Variants in LRRIQ3 observed in about 807,000 individuals in gnomAD.
LRRIQ3 encodes the protein leucine-rich repeat and IQ domain-containing protein 3.
Under a neutral mutation model 59.3 loss-of-function variants are expected in LRRIQ3, and 75 were observed. The ratio of observed to expected loss-of-function variants is 1.26; its 90% CI spans 1.05 to 1.53. LRRIQ3 has a LOEUF of 1.53. Among genes scored for constraint, LRRIQ3 ranks in the 40% most tolerant of loss-of-function variants. The probability of loss-of-function intolerance (pLI) is 0.00; values close to 1 mark genes in which losing one functional copy is unlikely to be tolerated. For missense variants in LRRIQ3, 831 were observed against 710.0 expected, an observed-to-expected ratio of 1.17 and a Z score of -1.94; for synonymous variants, 250 against 231.3, an observed-to-expected ratio of 1.08 and a Z score of -0.73.
intron 4 of LRRIQ3, among the ~76,000 whole-genome samples, chr1:74,146,587 AAAT>A (rs1444206641): frequency 3.3e-5 from 5 of 152,238 alleles, no homozygotes; most frequent in African/African-American, 9.6e-5. Context: ...TTTTATTAAG[AAAT>A]AATATTTCCC....
chr1:74,188,623 C>T (rs1353284286), intron 1 of LRRIQ3, among the ~76,000 whole-genome samples: 1 of 152,070 alleles, frequency 6.6e-6, no homozygotes, highest in Non-Finnish European at 1.5e-5. Flanking sequence ...TTTAATGGCC[C>T]TGTTTTCCAC....
intron 6 of LRRIQ3, among the ~76,000 whole-genome samples, chr1:74,073,286 G>A (rs1467586132): frequency 6.6e-6 from 1 of 152,044 alleles, no homozygotes; most frequent in African/African-American, 2.4e-5. Flanking sequence ...GCCGAGGCAG[G>A]CGATTGCCTG....
At chr1:74,048,907 T>A (rs12740120) in intron 6 of LRRIQ3, among the ~76,000 whole-genome samples, 3,075 of 152,224 alleles carry the variant, frequency 0.02, 58 homozygotes, top group Non-Finnish European at 0.028. Flanking sequence ...AAACTTCTAG[T>A]GGAGAAGATG....
intron 7 of LRRIQ3, among the ~76,000 whole-genome samples, chr1:74,031,168 TG>T (rs1383872805): frequency 6.6e-6 from 1 of 152,190 alleles, no homozygotes; most frequent in Non-Finnish European, 1.5e-5. Context: ...TTGGTGGGAC[TG>T]TAGACTAGTT....
rs540600294 is a variant in LRRIQ3 at position 74,068,489 on chromosome 1, G to T, written c.997+6172C>A. On this transcript the variant is annotated intron_variant, in intron 6 of 7. Coordinates refer to ENST00000354431, the MANE Select transcript of LRRIQ3 (RefSeq NM_001105659.2). ...TTTACATAACTGCATGGGAAGCTGG[G>T]CAATGCAGGGGAGCACATGGAATAT... 6.6e-5 allele frequency among the ~76,000 whole-genome samples: 10 copies of T among 152,172 alleles called. No homozygotes were observed. In the South Asian group the frequency reaches 2.1e-3, roughly 32 times the overall value.
At chr1:74,057,834 G>T (rs759248872) in intron 6 of LRRIQ3, among the ~76,000 whole-genome samples, 1 of 151,950 alleles carries the variant, frequency 6.6e-6, no homozygotes, top group Non-Finnish European at 1.5e-5. Flanking sequence ...GTGATAAGGG[G>T]TTAATATCAA....
At chr1:74,073,153 G>C (rs1655073414) in intron 6 of LRRIQ3, among the ~76,000 whole-genome samples, 1 of 152,044 alleles carries the variant, frequency 6.6e-6, no homozygotes, top group African/African-American at 2.4e-5. Flanking sequence ...CGCTGAATTT[G>C]CTTTTGTCAA....
chr1:74,122,445 T>G (rs1289674086), intron 4 of LRRIQ3, among the ~76,000 whole-genome samples: 2 of 152,092 alleles, frequency 1.3e-5, no homozygotes, highest in Non-Finnish European at 2.9e-5. Flanking sequence ...TCTTATAAAT[T>G]TGTTGGAGTT....
intron 4 of LRRIQ3, among the ~76,000 whole-genome samples, chr1:74,114,114 G>C (rs1368597332): frequency 3.3e-5 from 5 of 151,720 alleles, no homozygotes; most frequent in African/African-American, 1.2e-4. Context: ...AGGCAGGTGA[G>C]AGCAAGTTGG....
intron 4 of LRRIQ3, among the ~76,000 whole-genome samples, chr1:74,134,960 T>G (rs1213961776): frequency 9.2e-5 from 14 of 152,084 alleles, no homozygotes; most frequent in Admixed American, 5.3e-4. Flanking sequence ...TGTTTTCAGA[T>G]TAACTTAAAA....
chr1:74,118,934 G>A (rs1404711975), intron 4 of LRRIQ3, among the ~76,000 whole-genome samples: 1 of 151,950 alleles, frequency 6.6e-6, no homozygotes, highest in African/African-American at 2.4e-5. Context: ...ATTAGATGAG[G>A]CTCACCCACA....
At chr1:74,189,738 T>G (rs183379183) in intron 1 of LRRIQ3, among the ~76,000 whole-genome samples, 33 of 152,220 alleles carry the variant, frequency 2.2e-4, no homozygotes, top group Admixed American at 2.2e-3. Flanking sequence ...CCTTTTTCTT[T>G]GTTCTCATTC....
chr1:74,110,602 G>A (rs1570131575), intron 4 of LRRIQ3, among the ~76,000 whole-genome samples: 1 of 151,956 alleles, frequency 6.6e-6, no homozygotes, highest in East Asian at 1.9e-4. Context: ...ATCGTTTGAA[G>A]TAAAATGATA....
Position 74,179,765 on chromosome 1 carries a change from T to A in LRRIQ3, c.573+2773A>T, listed in dbSNP as rs555131661. On this transcript the variant is annotated intron_variant, in intron 3 of 7. Transcript: ENST00000354431. ...TGTTATTCAAACAGATTTCTTTAAA[T>A]CTTCACAACTCATAAAAATCATGTC... 2.0e-5 allele frequency: 3 copies of A among 152,092 alleles called. No individual in the cohort carries two copies. In the South Asian group the frequency reaches 6.2e-4, roughly 31 times the overall value. The allele number at this position is 152,092 out of a possible 1,614,324, so 9.4% of individuals were successfully genotyped here. A position where few individuals can be genotyped will look rare whatever the true frequency, so the allele number is the denominator to read the frequency against.
At chr1:74,046,138 C>T (rs1654196885) in intron 6 of LRRIQ3, among the ~76,000 whole-genome samples, 1 of 152,146 alleles carries the variant, frequency 6.6e-6, no homozygotes, top group African/African-American at 2.4e-5. Flanking sequence ...AAAAAAGAGC[C>T]TGCATAGCCA....
intron 6 of LRRIQ3, among the ~76,000 whole-genome samples, chr1:74,062,016 AG>A (rs887203864): frequency 6.6e-6 from 1 of 152,162 alleles, no homozygotes; most frequent in African/African-American, 2.4e-5. Context: ...CCTGGGAGAC[AG>A]AGTGAGAGTT....
At chr1:74,039,566 C>A (rs776546967) in intron 7 of LRRIQ3, among the ~76,000 whole-genome samples, 13 of 152,176 alleles carry the variant, frequency 8.5e-5, no homozygotes, top group Non-Finnish European at 1.8e-4. Flanking sequence ...AAGGGAAGCA[C>A]ATCAGACTAA....
chr1:74,183,734 T>G (rs1313985735), intron 1 of LRRIQ3, 50 bp from the exon 2 acceptor site: 4 of 1,393,728 alleles, frequency 2.9e-6, no homozygotes, highest in African/African-American at 1.5e-5. Flanking sequence ...TTTCAAAAAT[T>G]TACCTGAAAA....
intron 4 of LRRIQ3, among the ~76,000 whole-genome samples, chr1:74,125,421 C>T (rs1479220972): frequency 2.0e-5 from 3 of 151,866 alleles, no homozygotes; most frequent in Admixed American, 2.0e-4. Context: ...AGTGGACATC[C>T]TTGTTGTGTT....
Sources: gnomAD v4.1 joint callset for allele counts (sites outside exome capture counted in the v4.1 genomes callset) on GRCh38, gnomAD v4.1.1 for gene constraint, MANE v1.5 for transcripts, NCBI Gene and HGNC (gene_info 2026-07-23, HGNC 2026-07-21) for gene names.